ZNF385D: variants seen among roughly 807,000 people sequenced by gnomAD.
ZNF385D encodes the protein zinc finger protein 385D, also known as zinc finger protein 659.
A neutral mutation model predicts 35.8 loss-of-function variants in ZNF385D; 15 were observed. That is an observed-to-expected ratio of 0.42 (90% CI 0.28 to 0.64). ZNF385D has a LOEUF of 0.64. Among genes scored for constraint, ZNF385D ranks in the 30% least tolerant of loss-of-function variants. The pLI is 0.23. For missense variants in ZNF385D, 474 were observed against 494.6 expected, an observed-to-expected ratio of 0.96 and a Z score of 0.39; for synonymous variants, 212 against 186.8, an observed-to-expected ratio of 1.13 and a Z score of -1.10.
intron 3 of ZNF385D, among the ~76,000 whole-genome samples, chr3:22,013,918 G>A (rs114756882): frequency 0.03 from 4,621 of 152,092 alleles, 96 homozygotes; most frequent in Non-Finnish European, 0.044. Context: ...CTTCAAGAAT[G>A]CTGAGTTAAG....
chr3:22,348,317 G>A (rs374538622), intron 2 of ZNF385D, among the ~76,000 whole-genome samples: 19 of 151,860 alleles, frequency 1.3e-4, no homozygotes, highest in African/African-American at 3.4e-4. Context: ...AGTTGTTAGC[G>A]TGGTCCCTAA....
chr3:22,205,933 A>T (rs1291649683), intron 2 of ZNF385D, among the ~76,000 whole-genome samples: 2 of 152,030 alleles, frequency 1.3e-5, no homozygotes, highest in African/African-American at 4.8e-5. Context: ...ATGTAAATGG[A>T]CTAAACTTCC....
chr3:21,928,045 A>C (rs1700821809), intron 3 of ZNF385D, among the ~76,000 whole-genome samples: 1 of 152,010 alleles, frequency 6.6e-6, no homozygotes, highest in South Asian at 2.1e-4. Context: ...GCAACAGAGC[A>C]AGACTCGATA....
intron 2 of ZNF385D, among the ~76,000 whole-genome samples, chr3:22,300,504 C>A (rs998440002): frequency 6.6e-6 from 1 of 151,678 alleles, no homozygotes; most frequent in Non-Finnish European, 1.5e-5. Flanking sequence ...AAGAGACAAC[C>A]TATAGATGAC....
At chr3:22,251,382 A>C (rs1429813702) in intron 2 of ZNF385D, among the ~76,000 whole-genome samples, 2 of 152,134 alleles carry the variant, frequency 1.3e-5, no homozygotes, top group Admixed American at 6.6e-5. Flanking sequence ...AAAAACAAAC[A>C]AACAAATATA....
chr3:21,958,394 A>T (rs1284979449), intron 3 of ZNF385D, among the ~76,000 whole-genome samples: 1 of 152,134 alleles, frequency 6.6e-6, no homozygotes, highest in Non-Finnish European at 1.5e-5. Flanking sequence ...AAATCCAGTT[A>T]TTCATCCTTA....
In ZNF385D at chr3:21,672,577, C is replaced by T. The variant is rs368224619; in HGVS notation, c.23-7549G>A. On this transcript the variant is annotated intron_variant, in intron 1 of 7. Coordinates refer to ENST00000281523, the MANE Select transcript of ZNF385D (RefSeq NM_024697.3). ...GGAAATACTGATTCAAAAACATTTGCCCATGTCAATGGTCAGTGATTCGAT... is the reference window on the plus strand; with the variant it reads ...GGAAATACTGATTCAAAAACATTTGTCCATGTCAATGGTCAGTGATTCGAT... Among the ~76,000 whole-genome samples the T allele has an allele frequency of 1.1e-4, 16 of 152,196 alleles. No homozygotes were observed. In the East Asian group the frequency reaches 3.1e-3, roughly 29 times the overall value.
At chr3:21,556,557 C>T (rs1472683489) in intron 3 of ZNF385D, among the ~76,000 whole-genome samples, 2 of 152,068 alleles carry the variant, frequency 1.3e-5, no homozygotes, top group Non-Finnish European at 2.9e-5. Flanking sequence ...ATTTCTGAGG[C>T]TTCTGTTCTC....
intron 3 of ZNF385D, among the ~76,000 whole-genome samples, chr3:21,879,098 T>C (rs1698135071): frequency 6.6e-6 from 1 of 151,996 alleles, no homozygotes; most frequent in African/African-American, 2.4e-5. Flanking sequence ...CACATCAAGA[T>C]AGAAACACTT....
intron 3 of ZNF385D, among the ~76,000 whole-genome samples, chr3:22,167,423 C>T (rs1240009190): frequency 6.6e-6 from 1 of 152,220 alleles, no homozygotes; most frequent in Non-Finnish European, 1.5e-5. Flanking sequence ...ACCCACGCAT[C>T]CCCTCTCCAC....
At chr3:21,864,923 C>A (rs1483936451) in intron 3 of ZNF385D, among the ~76,000 whole-genome samples, 2 of 148,196 alleles carry the variant, frequency 1.3e-5, no homozygotes, top group East Asian at 4.0e-4. Flanking sequence ...TGCTACTTAC[C>A]AAATAGTCAA....
intron 4 of ZNF385D, among the ~76,000 whole-genome samples, chr3:21,457,044 A>G (rs1369340415): frequency 6.6e-6 from 1 of 152,172 alleles, no homozygotes; most frequent in African/African-American, 2.4e-5. Flanking sequence ...TAAAATCTAC[A>G]AGGGCAGGGT....
chr3:21,670,080 A>T (rs2066517203), intron 1 of ZNF385D, among the ~76,000 whole-genome samples: 2 of 152,112 alleles, frequency 1.3e-5, no homozygotes, highest in South Asian at 4.1e-4. Flanking sequence ...CAAAATGATC[A>T]CGGATTGCCA....
intron 1 of ZNF385D, among the ~76,000 whole-genome samples, chr3:21,676,997 G>A (rs2066749097): frequency 6.6e-6 from 1 of 152,012 alleles, no homozygotes; most frequent in Admixed American, 6.6e-5. Context: ...GCCCCAGGTA[G>A]AAGAAAGTCC....
At chr3:22,137,256 G>C (rs1220516313) in intron 3 of ZNF385D, among the ~76,000 whole-genome samples, 1 of 152,128 alleles carries the variant, frequency 6.6e-6, no homozygotes, top group South Asian at 2.1e-4. Flanking sequence ...GGAGGAGCTG[G>C]TACCATTCAT....
chr3:21,979,209 A>G (rs1435052993), intron 3 of ZNF385D, among the ~76,000 whole-genome samples: 1 of 152,096 alleles, frequency 6.6e-6, no homozygotes, highest in Non-Finnish European at 1.5e-5. Context: ...ATGGGGGACC[A>G]TGGGGTATTT....
rs944932601 is a variant in ZNF385D at position 21,414,034 on chromosome 3, G to T, written c.*7180C>A. 6.6e-6 allele frequency: 1 copy of T among 151,876 alleles called. No individual in the cohort carries two copies. Among genetic ancestry groups the T allele is most frequent in the Non-Finnish European group, 1.5e-5 (1 of 67,952 alleles). 9.4% of individuals were successfully genotyped at this position (151,876 alleles called of 1,614,324 possible). A position where few individuals can be genotyped will look rare whatever the true frequency, so the allele number is the denominator to read the frequency against. Reference sequence around the variant, plus strand: ...CATTGGATAACACTAAATTTTCCCCGACTGACCACTCTTGGTAGTCGATTT... The same window carrying T: ...CATTGGATAACACTAAATTTTCCCCTACTGACCACTCTTGGTAGTCGATTT... On this transcript the variant is annotated 3_prime_UTR_variant, in exon 8 of 8. Coordinates refer to ENST00000281523, the MANE Select transcript of ZNF385D (RefSeq NM_024697.3).
At chr3:21,601,191 C>A (rs2064279707) in intron 2 of ZNF385D, among the ~76,000 whole-genome samples, 1 of 152,204 alleles carries the variant, frequency 6.6e-6, no homozygotes, top group Non-Finnish European at 1.5e-5. Flanking sequence ...ATATACTCCA[C>A]TTGATGGGGC....
intron 4 of ZNF385D, among the ~76,000 whole-genome samples, chr3:21,473,677 C>T (rs1704045292): frequency 6.6e-6 from 1 of 152,182 alleles, no homozygotes; most frequent in South Asian, 2.1e-4. Context: ...TATTTATCTT[C>T]AGTTTCTCTA....
Sources: allele counts gnomAD v4.1 joint callset (sites outside exome capture counted in the v4.1 genomes callset), GRCh38; gene constraint gnomAD v4.1.1; transcripts MANE v1.5; gene names NCBI Gene and HGNC (gene_info 2026-07-23, HGNC 2026-07-21).